CNTN3: variants seen among roughly 807,000 people sequenced by gnomAD.
CNTN3 encodes the protein contactin-3.
In CNTN3, 60 loss-of-function variants were observed where a neutral mutation model predicts 119.1. That is an observed-to-expected ratio of 0.50 (90% CI 0.41 to 0.62). The LOEUF (loss-of-function observed/expected upper bound fraction) is 0.62. CNTN3 is among the 20% of genes least tolerant of loss of function. CNTN3 has a pLI of 0.00. For synonymous variants in CNTN3, 450 were observed against 438.7 expected (o/e 1.03, Z -0.32); for missense variants, 1,101 against 1,242.4 (o/e 0.89, Z 1.71).
At chr3:74,347,276 CT>C (rs1377063729) in intron 11 of CNTN3, among the ~76,000 whole-genome samples, 1 of 152,194 alleles carries the variant, frequency 6.6e-6, no homozygotes, top group Non-Finnish European at 1.5e-5. Context: ...CCATCTCGCT[CT>C]GTCATCCAGG....
At chr3:74,295,701 C>G (rs564146409) in intron 18 of CNTN3, among the ~76,000 whole-genome samples, 1 of 152,148 alleles carries the variant, frequency 6.6e-6, no homozygotes, top group Non-Finnish European at 1.5e-5. Flanking sequence ...ACAGAGACAA[C>G]TGAAATGTGG....
At chr3:74,530,396 G>A (rs1466193116) in intron 1 of CNTN3, among the ~76,000 whole-genome samples, 1 of 151,944 alleles carries the variant, frequency 6.6e-6, no homozygotes, top group Non-Finnish European at 1.5e-5. Context: ...AGACTGAGTA[G>A]AGGATTTGAG....
intron 18 of CNTN3, among the ~76,000 whole-genome samples, chr3:74,297,491 G>A (rs986379217): frequency 5.3e-5 from 8 of 152,066 alleles, no homozygotes; most frequent in Non-Finnish European, 8.8e-5. Context: ...AAAGAGGAAG[G>A]GTATGGTAAT....
chr3:74,292,747 A>C (rs532736117), intron 19 of CNTN3, among the ~76,000 whole-genome samples: 182 of 152,308 alleles, frequency 1.2e-3, no homozygotes, highest in African/African-American at 4.3e-3. Context: ...ACAGCTGGCA[A>C]GTGGTAGAAT....
chr3:74,467,987 C>G (rs7429592), intron 4 of CNTN3, among the ~76,000 whole-genome samples: 1 of 152,012 alleles, frequency 6.6e-6, no homozygotes, highest in Non-Finnish European at 1.5e-5. Flanking sequence ...GGCATTATAT[C>G]GGAACAAAAG....
chr3:74,514,178 A>G (rs1040624283), intron 2 of CNTN3, among the ~76,000 whole-genome samples: 1 of 152,152 alleles, frequency 6.6e-6, no homozygotes, highest in Non-Finnish European at 1.5e-5. Flanking sequence ...TGAGATCACA[A>G]TGATACAAAA....
intron 3 of CNTN3, among the ~76,000 whole-genome samples, chr3:74,493,863 GT>G (rs1288345503): frequency 2.0e-5 from 3 of 152,140 alleles, no homozygotes; most frequent in African/African-American, 7.2e-5. Context: ...TTGCCATGCT[GT>G]TTTTTTAAAA....
Position 74,486,449 on chromosome 3 carries a change from A to G in CNTN3, c.358+7T>C. ...TGGATTTGCTAGACATGTGAACATA[A>G]ACTTACAGGCAAACTGAAGTTTGGC... On this transcript the variant is annotated splice_region_variant and intron_variant, in intron 4 of 22. Transcript: ENST00000263665. 6.3e-7 allele frequency: 1 copy of G among 1,585,974 alleles called. No homozygotes were observed. The highest frequency in any genetic ancestry group is 1.2e-5 in the South Asian group (1 of 85,484).
At chr3:74,421,777 A>G (rs1377763737) in intron 5 of CNTN3, among the ~76,000 whole-genome samples, 5 of 152,172 alleles carry the variant, frequency 3.3e-5, no homozygotes, top group Admixed American at 6.5e-5. Flanking sequence ...ATCCTTCATC[A>G]GTTGTACTGA....
intron 4 of CNTN3, among the ~76,000 whole-genome samples, chr3:74,428,647 ATTAAT>A (rs1444802064): frequency 6.6e-6 from 1 of 152,210 alleles, no homozygotes; most frequent in Admixed American, 6.5e-5. Flanking sequence ...GTAAGCCAAG[ATTAAT>A]TTATCACTGA....
intron 20 of CNTN3, among the ~76,000 whole-genome samples, chr3:74,276,881 A>G (rs1701891222): frequency 6.6e-6 from 1 of 152,130 alleles, no homozygotes; most frequent in South Asian, 2.1e-4. Context: ...TTGATAGATC[A>G]TTGGCAAGAT....
chr3:74,542,328 C>G (rs914460900), intron 1 of CNTN3, among the ~76,000 whole-genome samples: 1 of 152,224 alleles, frequency 6.6e-6, no homozygotes, highest in Admixed American at 6.5e-5. Flanking sequence ...GAAGAGCCAC[C>G]AAGGCTTGGA....
chr3:74,461,735 A>C (rs1416430897), intron 4 of CNTN3, among the ~76,000 whole-genome samples: 1 of 152,090 alleles, frequency 6.6e-6, no homozygotes, highest in African/African-American at 2.4e-5. Flanking sequence ...TTGACAAAAA[A>C]TTGAGGAACT....
At chr3:74,267,201 C>T (rs969831445) in intron 21 of CNTN3, 65 bp downstream of exon 21, 2 of 961,594 alleles carry the variant, frequency 2.1e-6, no homozygotes, top group African/African-American at 3.2e-5. Flanking sequence ...TCACTTATAC[C>T]TAGCTTCTCT....
At chr3:74,580,708 A>C (rs1445131881) in intron 1 of CNTN3, among the ~76,000 whole-genome samples, 1 of 152,162 alleles carries the variant, frequency 6.6e-6, no homozygotes, top group Admixed American at 6.5e-5. Context: ...TAGAAATAGA[A>C]ATGAACTGCT....
At chr3:74,389,864 C>T (rs1704850650) in intron 5 of CNTN3, among the ~76,000 whole-genome samples, 2 of 152,254 alleles carry the variant, frequency 1.3e-5, no homozygotes, top group South Asian at 2.1e-4. Flanking sequence ...AGAAATGAAA[C>T]TACAATTTAG....
At chr3:74,395,559 A>T (rs116102475) in intron 5 of CNTN3, among the ~76,000 whole-genome samples, 1,664 of 152,302 alleles carry the variant, frequency 0.011, 17 homozygotes, top group African/African-American at 0.038. Flanking sequence ...GCTGGCTATT[A>T]GTCAACTCTG....
intron 1 of CNTN3, among the ~76,000 whole-genome samples, chr3:74,557,740 AAAGAAGGAAATG>A (rs1704092577): frequency 6.6e-6 from 1 of 151,502 alleles, no homozygotes; most frequent in South Asian, 2.1e-4. Context: ...AAAAAAAAAA[AAAGAAGGAAATG>A]CCAGTCAGAG....
At chr3:74,271,815 A>C (rs944111108) in intron 20 of CNTN3, among the ~76,000 whole-genome samples, 1 of 152,200 alleles carries the variant, frequency 6.6e-6, no homozygotes, top group African/African-American at 2.4e-5. Context: ...CACCCCCCCA[A>C]TAGTAAGATA....
Sources: allele counts gnomAD v4.1 joint callset (sites outside exome capture counted in the v4.1 genomes callset), GRCh38; gene constraint gnomAD v4.1.1; transcripts MANE v1.5; gene names NCBI Gene and HGNC (gene_info 2026-07-23, HGNC 2026-07-21).